Variants in CORO1C observed in about 807,000 individuals in gnomAD.
CORO1C encodes the protein coronin 1C.
CORO1C carries 14 observed loss-of-function variants against 51.2 expected under a neutral mutation model. That is an observed-to-expected ratio of 0.27 (90% CI 0.18 to 0.43). CORO1C has a LOEUF of 0.43. CORO1C is among the 20% of genes least tolerant of loss of function. The pLI, the probability that CORO1C is intolerant of heterozygous loss-of-function variation, is 1.00. For missense variants in CORO1C, 417 were observed against 607.8 expected (o/e 0.69, Z 3.30); for synonymous variants, 181 against 210.5 (o/e 0.86, Z 1.21).
intron 1 of CORO1C, among the ~76,000 whole-genome samples, chr12:108,707,471 T>TA (rs2035059913): frequency 6.6e-6 from 1 of 152,120 alleles, no homozygotes; most frequent in Non-Finnish European, 1.5e-5. Context: ...GGACAATACG[T>TA]AAAATAGCTA....
At chr12:108,654,499 T>G (rs2032841934) in intron 6 of CORO1C, 89 bp from the exon 7 acceptor site, 1 of 697,418 alleles carries the variant, frequency 1.4e-6, no homozygotes, top group Non-Finnish European at 2.4e-6. Flanking sequence ...TATTCTTCTA[T>G]CCCAATTAAG....
At chr12:108,681,749 A>T (rs533473559) in intron 2 of CORO1C, among the ~76,000 whole-genome samples, 57 of 152,342 alleles carry the variant, frequency 3.7e-4, no homozygotes, top group African/African-American at 1.3e-3. Flanking sequence ...AATTTTGAAG[A>T]ATTAAGTTTA....
chr12:108,700,062 C>G (rs933781152), intron 2 of CORO1C, among the ~76,000 whole-genome samples: 1 of 152,172 alleles, frequency 6.6e-6, no homozygotes, highest in Non-Finnish European at 1.5e-5. Context: ...AAACAACCCT[C>G]TGACAGAAAT....
intron 7 of CORO1C, among the ~76,000 whole-genome samples, chr12:108,653,504 T>C (rs1031472902): frequency 1.3e-5 from 2 of 152,218 alleles, no homozygotes; most frequent in African/African-American, 4.8e-5. Context: ...GTCTAGGGAC[T>C]ACCTCAACAG....
intron 2 of CORO1C, among the ~76,000 whole-genome samples, chr12:108,694,900 T>C (rs530982059): frequency 2.6e-5 from 4 of 152,232 alleles, no homozygotes; most frequent in Non-Finnish European, 5.9e-5. Context: ...ACATTATGAG[T>C]CACGTAATAC....
Position 108,648,719 on chromosome 12 carries a change from G to T in CORO1C, c.1191C>A (p.Gly397=). The change falls in exon 10 of 11, where the codon GGC becomes GGA. Residue 397 remains glycine, a synonymous_variant. Transcript: ENST00000261401. ...LISLKHGYIP[G]KNRDLKVVKK... ...TGACCACCTTGAGATCCCTGTTTTT[G>T]CCTGGAATGTACCCGTGCTTCAAGG... The T allele has an allele frequency of 6.2e-7, 1 of 1,614,060 alleles. No homozygotes were observed. Among genetic ancestry groups the T allele is most frequent in the Middle Eastern group, 1.6e-4 (1 of 6,062 alleles).
chr12:108,711,100 T>C (rs570628091), intron 1 of CORO1C, among the ~76,000 whole-genome samples: 36 of 152,146 alleles, frequency 2.4e-4, no homozygotes, highest in African/African-American at 8.2e-4. Context: ...CAGTGGTTCA[T>C]AGTTGTACTC....
intron 2 of CORO1C, among the ~76,000 whole-genome samples, chr12:108,698,520 C>T (rs2136862225): frequency 6.6e-6 from 1 of 152,336 alleles, no homozygotes; most frequent in East Asian, 1.9e-4. Context: ...GATTCTCCTG[C>T]CTCAGCCTCC....
rs756386649 is a variant in CORO1C at position 108,646,263 on chromosome 12, T to TAG, written c.*1138_*1139dup. 4.6e-5 allele frequency: 7 copies of TAG among 152,128 alleles called. No homozygotes were observed. The highest frequency in any genetic ancestry group is 1.0e-4 in the Non-Finnish European group (7 of 68,114). 9.4% of individuals were successfully genotyped at this position (152,128 alleles called of 1,614,324 possible). ...GTCGCAGCACATGTGAGGAAGAGGG[T>TAG]AGAGCAGGAGCTTTGTTGGTGGAAG... On this transcript the variant is annotated 3_prime_UTR_variant, in exon 11 of 11. Transcript: ENST00000261401.
intron 2 of CORO1C, among the ~76,000 whole-genome samples, chr12:108,687,823 A>G (rs1382032025): frequency 6.6e-6 from 1 of 152,116 alleles, no homozygotes; most frequent in Non-Finnish European, 1.5e-5. Context: ...AAAAAAAGAA[A>G]AAAGAAGAAA....
intron 2 of CORO1C, among the ~76,000 whole-genome samples, chr12:108,697,641 G>A (rs1004607940): frequency 6.6e-5 from 10 of 152,142 alleles, no homozygotes; most frequent in African/African-American, 2.4e-4. Flanking sequence ...TACTGAAAAG[G>A]GATTAATGGG....
At chr12:108,690,746 G>A (rs1031341617) in intron 2 of CORO1C, among the ~76,000 whole-genome samples, 2 of 152,180 alleles carry the variant, frequency 1.3e-5, no homozygotes, top group Non-Finnish European at 2.9e-5. Flanking sequence ...CTTCTGGGCT[G>A]AGAACAAATA....
intron 3 of CORO1C, among the ~76,000 whole-genome samples, chr12:108,665,145 C>T (rs2033424237): frequency 6.6e-6 from 1 of 152,220 alleles, no homozygotes; most frequent in Admixed American, 6.5e-5. Context: ...CATTTCCAAC[C>T]TTAAAATATG....
intron 4 of CORO1C, among the ~76,000 whole-genome samples, chr12:108,660,893 G>A (rs1237633692): frequency 5.3e-5 from 8 of 152,068 alleles, no homozygotes; most frequent in Non-Finnish European, 1.2e-4. Context: ...TAGTTACTTG[G>A]CATTATAATT....
At chr12:108,659,033 AG>A in intron 4 of CORO1C, 114 bp from the exon 5 acceptor site, 6 of 1,067,716 alleles carry the variant, frequency 5.6e-6, no homozygotes, top group Non-Finnish European at 7.6e-6. Context: ...AGAGAGAGAG[AG>A]AAAGAGAGAG....
Position 108,645,636 on chromosome 12 carries a change from G to A in CORO1C, c.*1767C>T, listed in dbSNP as rs1313273993. On this transcript the variant is annotated 3_prime_UTR_variant, in exon 11 of 11. Coordinates refer to ENST00000261401, the MANE Select transcript of CORO1C (RefSeq NM_014325.4). ...AACATTCAGATGCCCTGAAATTGTG[G>A]AGACAGCACTCCCAGTATTGGCTGG... 6.6e-6 allele frequency: 1 copy of A among 152,114 alleles called. No homozygotes were observed. Among genetic ancestry groups the A allele is most frequent in the African/African-American group, 2.4e-5 (1 of 41,396 alleles). The allele number at this position is 152,114 out of a possible 1,614,324, so 9.4% of individuals were successfully genotyped here.
intron 3 of CORO1C, among the ~76,000 whole-genome samples, chr12:108,674,946 A>G (rs754917870): frequency 2.6e-5 from 4 of 152,228 alleles, no homozygotes; most frequent in Non-Finnish European, 4.4e-5. Context: ...GACTGACTCC[A>G]ATTTTGAAAG....
At chr12:108,729,698 A>C (rs2035671945) in intron 1 of CORO1C, among the ~76,000 whole-genome samples, 2 of 152,234 alleles carry the variant, frequency 1.3e-5, no homozygotes, top group Admixed American at 1.3e-4. Context: ...CCTCCAAACC[A>C]AAAATACTAG....
In CORO1C at chr12:108,658,587, C is replaced by T. The variant is rs1592855504; in HGVS notation, c.630+151G>A. ...CTGGAGAGAAGCACAACTGGGGAGA[C>T]AGAAGCCTTTATAAGCCTTCTCTTA... On this transcript the variant is annotated intron_variant, in intron 5 of 10. Coordinates refer to ENST00000261401, the MANE Select transcript of CORO1C (RefSeq NM_014325.4). This position sits in a 1 kb window ranked among gnomAD's most constrained non-coding sequence, Gnocchi z 4.9. 2 of 643,300 alleles carry T rather than the reference C, an allele frequency of 3.1e-6. No homozygotes were observed. The highest frequency in any genetic ancestry group is 5.5e-5 in the East Asian group (2 of 36,492). 39.8% of individuals were successfully genotyped at this position (643,300 alleles called of 1,614,324 possible).
Sources: allele counts gnomAD v4.1 joint callset (sites outside exome capture counted in the v4.1 genomes callset), GRCh38; gene constraint gnomAD v4.1.1; non-coding constraint Gnocchi (gnomAD v3.1); transcripts MANE v1.5; gene names NCBI Gene and HGNC (gene_info 2026-07-23, HGNC 2026-07-21).